The following SYNGR3 variants were observed in gnomAD, a reference collection of about 807,000 sequenced individuals.
The protein encoded by SYNGR3 is synaptogyrin 3.
In SYNGR3, 10 loss-of-function variants were observed where a neutral mutation model predicts 18.5. The observed-to-expected ratio is 0.54, with a 90% CI of 0.33 to 0.92. SYNGR3 has a LOEUF of 0.92. Among genes scored for constraint, SYNGR3 ranks in the 40% least tolerant of loss-of-function variants. The pLI, the probability that SYNGR3 is intolerant of heterozygous loss-of-function variation, is 0.02. For missense variants in SYNGR3, 335 were observed against 332.8 expected (o/e 1.01, Z -0.05); for synonymous variants, 188 against 157.2 (o/e 1.20, Z -1.47).
At position 1,993,388 on chromosome 16, in the gene SYNGR3, G is replaced by A; in HGVS notation, c.*316G>A. The A allele has an allele frequency of 1.7e-6, 1 of 594,372 alleles. No individual in the cohort carries two copies. Among genetic ancestry groups the A allele is most frequent in the Non-Finnish European group, 3.2e-6 (1 of 315,364 alleles). 36.8% of individuals were successfully genotyped at this position (594,372 alleles called of 1,614,324 possible). On this transcript the variant is annotated 3_prime_UTR_variant, in exon 4 of 4. Transcript: ENST00000248121. ...CTTGGGCCACACCTGCTCACTCTGG[G>A]GTTGGGGGTCCAGCTGCCCTCTACG...
chr16:1,990,355 G>T, intron 1 of SYNGR3, 154 bp downstream of exon 1: 1 of 417,504 alleles, frequency 2.4e-6, no homozygotes. Flanking sequence ...CCGGCCTCAG[G>T]TTGGGGTGAC....
Position 1,992,669 on chromosome 16 carries a change from G to A in SYNGR3, c.371G>A (p.Cys124Tyr). The A allele has an allele frequency of 3.1e-6, 5 of 1,606,346 alleles. No homozygotes were observed. The highest frequency in any genetic ancestry group is 4.2e-6 in the Non-Finnish European group (5 of 1,177,788). ...TCCTTCCTGTGGTTCGTGGGCTTCT[G>A]CTTCCTCACCAATCAGTGGCAGCGC... The part of the protein sequence containing the change: ...LWSFLWFVGF[C>Y]FLTNQWQRTA... Residue 124 changes from cysteine to tyrosine, a missense_variant, in exon 3 of 4, where the codon TGC (cysteine) becomes TAC (tyrosine). Physicochemically the swap from Cys to Tyr is radical, Grantham distance 194 (BLOSUM62 -2). Coordinates refer to ENST00000248121, the MANE Select transcript of SYNGR3 (RefSeq NM_004209.6).
In SYNGR3 at chr16:1,992,227, G is replaced by A; in HGVS notation, c.337+16G>A. The A allele has an allele frequency of 7.4e-7, 1 of 1,342,384 alleles. No homozygotes were observed. Among genetic ancestry groups the A allele is most frequent in the Admixed American group, 3.8e-5 (1 of 26,490 alleles). 83.2% of individuals were successfully genotyped at this position (1,342,384 alleles called of 1,614,324 possible). On this transcript the variant is annotated intron_variant, in intron 2 of 3. Transcript: ENST00000248121. ...GGCTTCTCAGGTGGGCGGGGCCGGGGCGGTGAGCGCGGAGAGCCTTCCGGG... is the reference window on the plus strand; with the variant it reads ...GGCTTCTCAGGTGGGCGGGGCCGGGACGGTGAGCGCGGAGAGCCTTCCGGG...
At position 1,993,671 on chromosome 16, in the gene SYNGR3, T is replaced by G; in HGVS notation, c.*599T>G. 4.6e-6 allele frequency: 2 copies of G among 439,288 alleles called. No homozygotes were observed. Among genetic ancestry groups the G allele is most frequent in the Middle Eastern group, 6.7e-4 (2 of 3,002 alleles). 27.2% of individuals were successfully genotyped at this position (439,288 alleles called of 1,614,324 possible). On this transcript the variant is annotated 3_prime_UTR_variant, in exon 4 of 4. Transcript: ENST00000248121. Reference sequence around the variant, plus strand: ...CACCTCCTAGTACTCCACAAGCTGCTCCTCTCTCTGTGGCCCCGGCCCCTG... The same window carrying G: ...CACCTCCTAGTACTCCACAAGCTGCGCCTCTCTCTGTGGCCCCGGCCCCTG...
chr16:1,993,383 T>G lies in SYNGR3; in HGVS notation c.*311T>G, dbSNP rs1212593427. 2 of 598,086 alleles carry G rather than the reference T, an allele frequency of 3.3e-6. No homozygotes were observed. The highest frequency in any genetic ancestry group is 1.5e-5 in the South Asian group (1 of 65,204). The allele number at this position is 598,086 out of a possible 1,614,324, so 37.0% of individuals were successfully genotyped here. On this transcript the variant is annotated 3_prime_UTR_variant, in exon 4 of 4. Transcript: ENST00000248121. ...CCCCTCTTGGGCCACACCTGCTCAC[T>G]CTGGGGTTGGGGGTCCAGCTGCCCT...
rs1282682470 is a variant in SYNGR3, at chr16:1,993,469, C to T, written c.*397C>T. ...GGGGGCAGGGGAAAGACACCACCCT[C>T]GCCCCAAGACTGGGGATCCTGGCCA... is the stretch of plus-strand genomic sequence containing the variant. On this transcript the variant is annotated 3_prime_UTR_variant, in exon 4 of 4. Transcript: ENST00000248121. 1 of 489,272 alleles carries T rather than the reference C, an allele frequency of 2.0e-6. No homozygotes were observed. Among genetic ancestry groups the T allele is most frequent in the Non-Finnish European group, 4.0e-6 (1 of 249,004 alleles). The allele number at this position is 489,272 out of a possible 1,614,324, so 30.3% of individuals were successfully genotyped here.
In SYNGR3 at chr16:1,993,487, C is replaced by T. The variant is rs1469878854; in HGVS notation, c.*415C>T. 2.1e-6 allele frequency: 1 copy of T among 480,322 alleles called. No homozygotes were observed. Among genetic ancestry groups the T allele is most frequent in the South Asian group, 1.5e-5 (1 of 64,766 alleles). 29.8% of individuals were successfully genotyped at this position (480,322 alleles called of 1,614,324 possible). A position where few individuals can be genotyped will look rare whatever the true frequency, so the allele number is the denominator to read the frequency against. ...CCACCCTCGCCCCAAGACTGGGGAT[C>T]CTGGCCACTGTTCCCATCCCATGTC... On this transcript the variant is annotated 3_prime_UTR_variant, in exon 4 of 4. Transcript: ENST00000248121.
At position 1,992,732 on chromosome 16, in the gene SYNGR3, C is replaced by G. The variant is rs767916651; in HGVS notation, c.434C>G (p.Ala145Gly). Residue 145 changes from alanine to glycine, a missense_variant, in exon 3 of 4, where the codon GCG becomes GGG. Coordinates refer to ENST00000248121, the MANE Select transcript of SYNGR3 (RefSeq NM_004209.6). ...CCGGCCACGACGCAGGCGGGGGACG[C>G]GGCGCGGGCCGCCATCGCCTTCAGC... ...PGPATTQAGD[A>G]ARAAIAFSFF... 1.3e-6 allele frequency: 2 copies of G among 1,585,312 alleles called. No homozygotes were observed. The highest frequency in any genetic ancestry group is 1.7e-4 in the Middle Eastern group (1 of 5,820).
intron 1 of SYNGR3, chr16:1,990,537 A>C (rs2083597689): frequency 2.1e-6 from 1 of 468,684 alleles, no homozygotes. Context: ...ACCTGGAAGC[A>C]GGGACGGGGT....
At chr16:1,991,437 T>A (rs2083603369) in intron 1 of SYNGR3, 1 of 154,438 alleles carries the variant, frequency 6.5e-6, no homozygotes, top group Admixed American at 6.5e-5. Context: ...GCTGCCTCCA[T>A]ACCCTCCCTC....
At position 1,992,176 on chromosome 16, in the gene SYNGR3, G is replaced by A; in HGVS notation, c.302G>A (p.Arg101His). The A allele has an allele frequency of 1.4e-6, 2 of 1,448,196 alleles. No homozygotes were observed. Among genetic ancestry groups the A allele is most frequent in the Non-Finnish European group, 9.1e-7 (1 of 1,100,962 alleles). 89.7% of individuals were successfully genotyped at this position (1,448,196 alleles called of 1,614,324 possible). A position where few individuals can be genotyped will look rare whatever the true frequency, so the allele number is the denominator to read the frequency against. The change falls in exon 2 of 4, where the codon CGC becomes CAC. Residue 101 changes from arginine (R) to histidine (H), a missense_variant. Arg to His is a conservative substitution (Grantham distance 29, BLOSUM62 0). Coordinates refer to ENST00000248121, the MANE Select transcript of SYNGR3 (RefSeq NM_004209.6). ...RFQQISSVRD[R>H]RRAVLLDLGF... ...CAGCAAATCAGCAGCGTCCGCGACC[G>A]CCGGCGCGCGGTGTTGCTGGACCTG...
At position 1,993,349 on chromosome 16, in the gene SYNGR3, G is replaced by C; in HGVS notation, c.*277G>C. On this transcript the variant is annotated 3_prime_UTR_variant, in exon 4 of 4. Coordinates refer to ENST00000248121, the MANE Select transcript of SYNGR3 (RefSeq NM_004209.6). The stretch of plus-strand genomic sequence containing the variant: ...CTAGCCTGGAATGGACTGGCCTGGG[G>C]AAGGCTTTCCCCTCTTGGGCCACAC... 1.6e-6 allele frequency: 1 copy of C among 629,132 alleles called. No individual in the cohort carries two copies. Among genetic ancestry groups the C allele is most frequent in the East Asian group, 3.0e-5 (1 of 33,366 alleles). 39.0% of individuals were successfully genotyped at this position (629,132 alleles called of 1,614,324 possible).
chr16:1,993,012 C>A lies in SYNGR3; in HGVS notation c.630C>A (p.Ser210Arg). The A allele has an allele frequency of 1.2e-6, 2 of 1,612,142 alleles. No individual in the cohort carries two copies. The highest frequency in any genetic ancestry group is 1.7e-6 in the Non-Finnish European group (2 of 1,179,782). The change falls in exon 4 of 4, where the codon AGC becomes AGA. Residue 210 changes from serine to arginine, a missense_variant. Transcript: ENST00000248121. ...TGGAGGGCACCGAGACCTACCAGAG[C>A]CCGCCCTTCACCGAGACCCTGGACA... ...SGVEGTETYQ[S>R]PPFTETLDTS...
Position 1,993,123 on chromosome 16 carries a change from C to G in SYNGR3, c.*51C>G. ...CCAAGGCCACCCCACCAACGCAGGCCCCAGGGTCTCCGGGACCTCCCTTGG... is the reference window on the plus strand; with the variant it reads ...CCAAGGCCACCCCACCAACGCAGGCGCCAGGGTCTCCGGGACCTCCCTTGG... On this transcript the variant is annotated 3_prime_UTR_variant, in exon 4 of 4. Transcript: ENST00000248121. 2 of 1,558,124 alleles carry G rather than the reference C, an allele frequency of 1.3e-6. No homozygotes were observed. Among genetic ancestry groups the G allele is most frequent in the East Asian group, 4.8e-5 (2 of 41,420 alleles).
intron 1 of SYNGR3, 36 bp from the exon 2 acceptor site, chr16:1,991,924 CTCGCAGAGGTCGGG>C: frequency 6.6e-7 from 1 of 1,511,044 alleles, no homozygotes; most frequent in South Asian, 1.2e-5. Flanking sequence ...TCGAGGCGGG[CTCGCAGAGGTCGGG>C]TCGCCGCAGG....
intron 1 of SYNGR3, 66 bp from the exon 2 acceptor site, chr16:1,991,908 G>A: frequency 7.0e-7 from 1 of 1,433,496 alleles, no homozygotes; most frequent in Non-Finnish European, 9.4e-7. Flanking sequence ...CCAGGGGCGT[G>A]GGCGCTCGAG....
Position 1,993,522 on chromosome 16 carries a change from A to G in SYNGR3, c.*450A>G, listed in dbSNP as rs556757955. The G allele has an allele frequency of 2.4e-4, 112 of 467,424 alleles. No individual in the cohort carries two copies. Among genetic ancestry groups the G allele is most frequent in the African/African-American group, 1.9e-3 (98 of 50,628 alleles). 29.0% of individuals were successfully genotyped at this position (467,424 alleles called of 1,614,324 possible). A position where few individuals can be genotyped will look rare whatever the true frequency, so the allele number is the denominator to read the frequency against. ...GTTCCCATCCCATGTCCCTGTGGGT[A>G]GTGACTGTCTCGTTTCTGTCATGGT... is the stretch of plus-strand genomic sequence containing the variant. On this transcript the variant is annotated 3_prime_UTR_variant, in exon 4 of 4. Transcript: ENST00000248121.
In SYNGR3 at chr16:1,993,424, G is replaced by A. The variant is rs1418035349; in HGVS notation, c.*352G>A. The A allele has an allele frequency of 7.4e-6, 4 of 543,434 alleles. No homozygotes were observed. Among genetic ancestry groups the A allele is most frequent in the African/African-American group, 5.6e-5 (3 of 53,454 alleles). The allele number at this position is 543,434 out of a possible 1,614,324, so 33.7% of individuals were successfully genotyped here. On this transcript the variant is annotated 3_prime_UTR_variant, in exon 4 of 4. Transcript: ENST00000248121. ...CAGCTGCCCTCTACGATCAGGTGCA[G>A]GGGCTGCCCAGGACAAAGCGGGGGC... is the stretch of plus-strand genomic sequence containing the variant.
In SYNGR3 at chr16:1,992,655, GT is replaced by G. The variant is rs2083610751; in HGVS notation, c.359del (p.Phe120SerfsTer46). ...GFSGLWSFLW[F>X]VGFCFLTNQW... is the part of the protein sequence containing the mutation. Reference sequence around the variant, plus strand: ...TCGCAGGACTCTGGTCCTTCCTGTGGTTCGTGGGCTTCTGCTTCCTCACCAA... The same window carrying G: ...TCGCAGGACTCTGGTCCTTCCTGTGGTCGTGGGCTTCTGCTTCCTCACCAA... On this transcript the variant is annotated frameshift_variant, in exon 3 of 4. Coordinates refer to ENST00000248121, the MANE Select transcript of SYNGR3 (RefSeq NM_004209.6). LOFTEE classifies it high-confidence loss of function. 6.2e-7 allele frequency: 1 copy of G among 1,606,280 alleles called. No homozygotes were observed. The highest frequency in any genetic ancestry group is 1.4e-5 in the African/African-American group (1 of 73,752).
Sources: allele counts gnomAD v4.1 joint callset, GRCh38; gene constraint gnomAD v4.1.1; transcripts MANE v1.5; gene names NCBI Gene and HGNC (gene_info 2026-07-23, HGNC 2026-07-21).